WWOX: variants seen among roughly 807,000 people sequenced by gnomAD.
WWOX encodes WW domain containing oxidoreductase.
WWOX carries 69 observed loss-of-function variants against 46.2 expected under a neutral mutation model. The ratio of observed to expected loss-of-function variants is 1.49; its 90% confidence interval spans 1.23 to 1.82. WWOX has a LOEUF of 1.82. Ranked by LOEUF, WWOX falls within the 40% of genes most tolerant of loss-of-function variation. The pLI, the probability that WWOX is intolerant of heterozygous loss-of-function variation, is 0.00. For missense variants in WWOX, 919 were observed against 542.6 expected (o/e 1.69, Z -6.89); for synonymous variants, 359 against 202.6 (o/e 1.77, Z -6.56).
At chr16:78,882,906 C>G (rs2044373796) in intron 8 of WWOX, among the ~76,000 whole-genome samples, 1 of 151,608 alleles carries the variant, frequency 6.6e-6, no homozygotes, top group Non-Finnish European at 1.5e-5. Flanking sequence ...CAAACTGGAA[C>G]AGAGCATAGC....
intron 6 of WWOX, among the ~76,000 whole-genome samples, chr16:78,401,749 G>C (rs1239343149): frequency 1.3e-5 from 2 of 152,038 alleles, no homozygotes; most frequent in Admixed American, 6.6e-5. Context: ...GCCCAGGCTG[G>C]AGTGTGATGG....
At chr16:78,235,790 G>A (rs1437626386) in intron 5 of WWOX, among the ~76,000 whole-genome samples, 1 of 152,168 alleles carries the variant, frequency 6.6e-6, no homozygotes, top group East Asian at 1.9e-4. Context: ...TTGGGGGAAG[G>A]AAGTCACAGA....
chr16:78,385,645 C>T (rs2082046004), intron 5 of WWOX, among the ~76,000 whole-genome samples: 1 of 152,164 alleles, frequency 6.6e-6, no homozygotes, highest in African/African-American at 2.4e-5. Flanking sequence ...AGCTCCTGTC[C>T]ATCCCTGAAC....
intron 8 of WWOX, among the ~76,000 whole-genome samples, chr16:78,971,690 A>G (rs1110891): frequency 0.43 from 63,909 of 149,596 alleles, 14,021 homozygotes; most frequent in Non-Finnish European, 0.48. Context: ...TAAAGCATTG[A>G]GTCATGTCTC....
In WWOX at chr16:79,211,755, G is replaced by C. The variant is rs200839945; in HGVS notation, c.1204G>C (p.Glu402Gln). Residue 402 changes from glutamate (E) to glutamine (Q), a missense_variant, in exon 9 of 9, where the codon GAG (glutamate) becomes CAG (glutamine). Glu to Gln is a conservative substitution (Grantham distance 29). Coordinates refer to ENST00000566780, the MANE Select transcript of WWOX (RefSeq NM_016373.4). ...GGCCCGGACCCTGTGGGCGCTCAGC[G>C]AGAGGCTGATCCAAGAACGGCTTGG... ...ETARTLWALS[E>Q]RLIQERLGSQ... The C allele has an allele frequency of 5.6e-6, 9 of 1,614,082 alleles. No homozygotes were observed. In the Admixed American group the frequency reaches 1.0e-4, roughly 18 times the overall value.
chr16:78,748,211 C>G (rs2049395295), intron 8 of WWOX, among the ~76,000 whole-genome samples: 1 of 152,176 alleles, frequency 6.6e-6, no homozygotes, highest in African/African-American at 2.4e-5. Flanking sequence ...AGGGCAGTGT[C>G]CACTCAATAC....
At chr16:78,839,927 C>G (rs1260885785) in intron 8 of WWOX, among the ~76,000 whole-genome samples, 1 of 152,202 alleles carries the variant, frequency 6.6e-6, no homozygotes, top group Non-Finnish European at 1.5e-5. Context: ...CCTGCATTTT[C>G]TAGTTAACCA....
At chr16:78,363,547 G>C (rs897544965) in intron 5 of WWOX, among the ~76,000 whole-genome samples, 1 of 152,066 alleles carries the variant, frequency 6.6e-6, no homozygotes, top group African/African-American at 2.4e-5. Context: ...CCAAAGTGCT[G>C]GGAATACAGG....
intron 8 of WWOX, among the ~76,000 whole-genome samples, chr16:78,662,270 T>C (rs972227145): frequency 5.3e-5 from 8 of 152,176 alleles, no homozygotes; most frequent in Non-Finnish European, 7.3e-5. Flanking sequence ...AAGAATGTTT[T>C]AGTCAGAGGC....
chr16:78,688,532 C>G (rs1296232880), intron 8 of WWOX, among the ~76,000 whole-genome samples: 1 of 152,142 alleles, frequency 6.6e-6, no homozygotes, highest in Non-Finnish European at 1.5e-5. Flanking sequence ...CACCCCAGGA[C>G]AGGTGCCCTC....
chr16:78,181,083 A>G (rs947836779), intron 5 of WWOX, among the ~76,000 whole-genome samples: 1 of 152,148 alleles, frequency 6.6e-6, no homozygotes, highest in Non-Finnish European at 1.5e-5. Flanking sequence ...GCCTGTCGAG[A>G]TAAATGTATA....
chr16:78,781,458 A>AT (rs2050322197), intron 8 of WWOX, among the ~76,000 whole-genome samples: 1 of 152,066 alleles, frequency 6.6e-6, no homozygotes, highest in African/African-American at 2.4e-5. Flanking sequence ...GGCTGCATTC[A>AT]TTTCAAGAAC....
chr16:78,199,353 A>G (rs2003605), intron 5 of WWOX, among the ~76,000 whole-genome samples: 35,432 of 151,962 alleles, frequency 0.23, 4,335 homozygotes, highest in South Asian at 0.32. Context: ...ACTAAGAACA[A>G]CAACGAAAAA....
rs111865325 is a variant in WWOX, at chr16:78,392,358, T to G, written c.605+5410T>G. Among the ~76,000 whole-genome samples the G allele has an allele frequency of 2.5e-3, 377 of 152,222 alleles. 3 individuals carry two copies. The highest frequency in any genetic ancestry group is 8.9e-3 in the African/African-American group (368 of 41,542). ...GATCTGTCACTGCCTCCCATCACCT[T>G]CAAGATGGGATTGTCTAGTTCTAGG... On this transcript the variant is annotated intron_variant, in intron 6 of 8. Coordinates refer to ENST00000566780, the MANE Select transcript of WWOX (RefSeq NM_016373.4).
At chr16:78,800,659 G>A (rs2050862611) in intron 8 of WWOX, among the ~76,000 whole-genome samples, 1 of 152,222 alleles carries the variant, frequency 6.6e-6, no homozygotes, top group Admixed American at 6.5e-5. Flanking sequence ...GCTGAGAACA[G>A]CAAAGATTCA....
At chr16:78,662,532 C>T (rs1048732231) in intron 8 of WWOX, among the ~76,000 whole-genome samples, 1 of 152,068 alleles carries the variant, frequency 6.6e-6, no homozygotes, top group Admixed American at 6.6e-5. Flanking sequence ...CCCTTTGGAC[C>T]AGTTGCAAGG....
At chr16:78,173,831 G>A (rs1239490371) in intron 5 of WWOX, among the ~76,000 whole-genome samples, 2 of 152,164 alleles carry the variant, frequency 1.3e-5, no homozygotes, top group Non-Finnish European at 2.9e-5. Flanking sequence ...TATTCTTACA[G>A]TTCTAGAGGC....
At chr16:78,447,703 C>G (rs1307919139) in intron 8 of WWOX, among the ~76,000 whole-genome samples, 1 of 152,214 alleles carries the variant, frequency 6.6e-6, no homozygotes, top group Admixed American at 6.5e-5. Context: ...TCACAAACCT[C>G]TACAGCTGTT....
chr16:79,052,745 G>T (rs572925911), intron 8 of WWOX, among the ~76,000 whole-genome samples: 1 of 152,266 alleles, frequency 6.6e-6, no homozygotes, highest in African/African-American at 2.4e-5. Flanking sequence ...GCTGGCGAGT[G>T]TACCCTTTCT....
Sources: allele counts gnomAD v4.1 joint callset (sites outside exome capture counted in the v4.1 genomes callset), GRCh38; gene constraint gnomAD v4.1.1; transcripts MANE v1.5; gene names NCBI Gene and HGNC (gene_info 2026-07-23, HGNC 2026-07-21).